Variants in PDE4D observed in about 807,000 individuals in gnomAD.
PDE4D encodes phosphodiesterase 4D.
In PDE4D, 24 loss-of-function variants were observed where a neutral mutation model predicts 87.4. The observed-to-expected ratio is 0.27, with a 90% confidence interval of 0.20 to 0.39. The LOEUF (loss-of-function observed/expected upper bound fraction) is 0.39. Ranked by LOEUF, PDE4D falls within the 10% of genes least tolerant of loss-of-function variation. The probability of loss-of-function intolerance (pLI) is 1.00; values close to 1 mark genes in which losing one functional copy is unlikely to be tolerated. For missense variants in PDE4D, 714 were observed against 1,041.0 expected, an observed-to-expected ratio of 0.69 and a Z score of 4.32; for synonymous variants, 384 against 383.2, an observed-to-expected ratio of 1.00 and a Z score of -0.02.
At chr5:59,784,033 T>C (rs938816267) in intron 1 of PDE4D, among the ~76,000 whole-genome samples, 8 of 152,074 alleles carry the variant, frequency 5.3e-5, no homozygotes, top group Admixed American at 3.3e-4. Flanking sequence ...CACTCCATCC[T>C]GAGTGACAGA....
At chr5:60,356,367 C>T (rs972420044) in intron 1 of PDE4D, among the ~76,000 whole-genome samples, 11 of 152,116 alleles carry the variant, frequency 7.2e-5, no homozygotes, top group African/African-American at 1.7e-4. Flanking sequence ...TGCTTTTCTC[C>T]GAATACCATT....
intron 1 of PDE4D, among the ~76,000 whole-genome samples, chr5:59,351,229 C>T (rs567975658): frequency 6.6e-6 from 1 of 152,206 alleles, no homozygotes; most frequent in Non-Finnish European, 1.5e-5. Flanking sequence ...AGGAAACCTG[C>T]CCAATCAAGA....
intron 1 of PDE4D, among the ~76,000 whole-genome samples, chr5:59,387,107 T>C (rs919082719): frequency 5.3e-5 from 8 of 152,208 alleles, no homozygotes; most frequent in Admixed American, 1.3e-4. Context: ...TCTATCTTTT[T>C]TATCTCTAGT....
chr5:59,655,447 T>C (rs1395695350), intron 1 of PDE4D, among the ~76,000 whole-genome samples: 7 of 152,144 alleles, frequency 4.6e-5, no homozygotes, highest in Non-Finnish European at 8.8e-5. Flanking sequence ...CAATATAAAA[T>C]GTAATGTTGG....
intron 1 of PDE4D, among the ~76,000 whole-genome samples, chr5:59,388,647 A>T (rs1445562537): frequency 6.6e-6 from 1 of 151,510 alleles, no homozygotes; most frequent in South Asian, 2.1e-4. Context: ...ACACACACAC[A>T]CTCACACACT....
intron 1 of PDE4D, among the ~76,000 whole-genome samples, chr5:59,611,723 T>C (rs1829031001): frequency 6.6e-6 from 1 of 152,172 alleles, no homozygotes; most frequent in Non-Finnish European, 1.5e-5. Flanking sequence ...ATTGTCCCAA[T>C]CTCACTTTGG....
chr5:60,145,578 T>C (rs1562148614), intron 2 of PDE4D, among the ~76,000 whole-genome samples: 1 of 152,212 alleles, frequency 6.6e-6, no homozygotes, highest in African/African-American at 2.4e-5. Context: ...TCACAAAATT[T>C]GAAGAAGTAT....
chr5:59,189,261 T>TTTTTTTTTTTTC, intron 3 of PDE4D, among the ~76,000 whole-genome samples: 1 of 146,960 alleles, frequency 6.8e-6, no homozygotes, highest in Non-Finnish European at 1.5e-5. Context: ...TTGTTTTTTT[T>TTTTTTTTTTTTC]TTTTTGAGAC....
chr5:60,104,297 G>A (rs974839097), intron 2 of PDE4D, among the ~76,000 whole-genome samples: 9 of 152,200 alleles, frequency 5.9e-5, no homozygotes, highest in South Asian at 2.1e-4. Flanking sequence ...AGGTGGCAGC[G>A]AGGCTGGGGG....
chr5:60,272,763 C>T (rs532956814), intron 1 of PDE4D, among the ~76,000 whole-genome samples: 1 of 152,332 alleles, frequency 6.6e-6, no homozygotes, highest in Non-Finnish European at 1.5e-5. Context: ...TAATTGTTAA[C>T]TGAGGCCCTT....
At chr5:59,022,319 C>T (rs1053417656) in intron 6 of PDE4D, among the ~76,000 whole-genome samples, 3 of 152,140 alleles carry the variant, frequency 2.0e-5, no homozygotes, top group Non-Finnish European at 4.4e-5. Context: ...TGACTCCCCT[C>T]CTTCTCCCAC....
chr5:59,216,330 T>C (rs912382167), intron 1 of PDE4D, among the ~76,000 whole-genome samples: 14 of 152,138 alleles, frequency 9.2e-5, no homozygotes, highest in African/African-American at 3.4e-4. Flanking sequence ...ATTCAACAAA[T>C]ACCCATTTTG....
chr5:60,414,137 C>T (rs969504417), intron 1 of PDE4D, among the ~76,000 whole-genome samples: 4 of 152,148 alleles, frequency 2.6e-5, no homozygotes, highest in South Asian at 4.1e-4. Context: ...GATGCTAAGA[C>T]GAATCTCCTC....
chr5:59,081,519 A>C (rs199621038), intron 5 of PDE4D, among the ~76,000 whole-genome samples: 1 of 21,390 alleles, frequency 4.7e-5, no homozygotes, highest in Non-Finnish European at 1.1e-4. Flanking sequence ...GTAATCAGGT[A>C]AAAAAAAAAA....
intron 1 of PDE4D, among the ~76,000 whole-genome samples, chr5:60,205,367 C>T (rs1310389902): frequency 6.6e-6 from 1 of 152,192 alleles, no homozygotes; most frequent in African/African-American, 2.4e-5. Context: ...TGCTTGCAAA[C>T]TGGCAAAACA....
chr5:59,211,191 A>G (rs1749995706), intron 2 of PDE4D, among the ~76,000 whole-genome samples: 1 of 152,192 alleles, frequency 6.6e-6, no homozygotes, highest in Non-Finnish European at 1.5e-5. Context: ...TTTATTTACT[A>G]GACTCATGCT....
Position 59,659,910 on chromosome 5 carries a change from C to A in PDE4D, c.455+233258G>T, listed in dbSNP as rs140455997. ...AAAATAAATATTGAAGTAGGCCGGG[C>A]ATGGTAGCTCATGCCTGCAATCTTA... On this transcript the variant is annotated intron_variant, in intron 1 of 14. Coordinates refer to ENST00000340635, the MANE Select transcript of PDE4D (RefSeq NM_001104631.2). Among the ~76,000 whole-genome samples, 1,270 of 152,176 alleles carry A rather than the reference C, an allele frequency of 8.3e-3. 21 individuals carry two copies. The highest frequency in any genetic ancestry group is 0.028 in the African/African-American group (1,161 of 41,516).
intron 2 of PDE4D, among the ~76,000 whole-genome samples, chr5:60,114,549 A>T (rs1476675766): frequency 6.6e-6 from 1 of 152,102 alleles, no homozygotes; most frequent in East Asian, 1.9e-4. Context: ...TGATGAGTAC[A>T]AACCAGAGAA....
At chr5:59,339,349 G>C (rs1163955014) in intron 1 of PDE4D, among the ~76,000 whole-genome samples, 1 of 152,160 alleles carries the variant, frequency 6.6e-6, no homozygotes, top group Non-Finnish European at 1.5e-5. Context: ...AGAGATGATA[G>C]AAGGCAATTT....
Sources: gnomAD v4.1 joint callset for allele counts (sites outside exome capture counted in the v4.1 genomes callset) on GRCh38, gnomAD v4.1.1 for gene constraint, MANE v1.5 for transcripts, NCBI Gene and HGNC (gene_info 2026-07-23, HGNC 2026-07-21) for gene names.